The following SMYD3 variants were observed in gnomAD, a reference collection of about 807,000 sequenced individuals.
The protein encoded by SMYD3 is SET and MYND domain containing 3, also known as histone-lysine N-methyltransferase SMYD3.
In SMYD3, 36 loss-of-function variants were observed where a neutral mutation model predicts 57.7. That is an observed-to-expected ratio of 0.62 (90% CI 0.48 to 0.82). SMYD3 has a LOEUF of 0.82. Ranked by LOEUF, SMYD3 falls within the 40% of genes least tolerant of loss-of-function variation. The probability of loss-of-function intolerance (pLI) is 0.00; values close to 1 mark genes in which losing one functional copy is unlikely to be tolerated. For missense variants in SMYD3, 515 were observed against 538.8 expected (o/e 0.96, Z 0.44); for synonymous variants, 211 against 195.0 (o/e 1.08, Z -0.68).
intron 5 of SMYD3, chr1:246,326,236 A>C (rs964608182): frequency 1.1e-5 from 5 of 442,152 alleles, no homozygotes; most frequent in Non-Finnish European, 2.0e-5. Context: ...AATTGTCAAA[A>C]GTAAAGTTTT....
chr1:245,846,442 T>C lies in SMYD3; in HGVS notation c.1076+12054A>G, dbSNP rs149411984. Among the ~76,000 whole-genome samples the C allele has an allele frequency of 4.1e-3, 626 of 152,326 alleles. 3 individuals are homozygous for C. The highest frequency in any genetic ancestry group is 0.015 in the African/African-American group (609 of 41,562). On this transcript the variant is annotated intron_variant, in intron 10 of 11. Transcript: ENST00000490107. Reference sequence around the variant, plus strand: ...AAGACCACTAGAGCCCTCTGTAGTGTAGTAATAGTTTATACTTTTCTAACA... The same window carrying C: ...AAGACCACTAGAGCCCTCTGTAGTGCAGTAATAGTTTATACTTTTCTAACA...
At chr1:245,965,681 C>T (rs1014755770) in intron 5 of SMYD3, among the ~76,000 whole-genome samples, 5 of 151,718 alleles carry the variant, frequency 3.3e-5, no homozygotes, top group Admixed American at 6.6e-5. Context: ...ATGGAAAAGG[C>T]GAAAGTATGA....
intron 8 of SMYD3, among the ~76,000 whole-genome samples, chr1:245,902,879 A>C (rs2054284232): frequency 6.6e-6 from 1 of 152,236 alleles, no homozygotes; most frequent in South Asian, 2.1e-4. Flanking sequence ...CCAATCCAAA[A>C]ACTTAGAAGA....
chr1:245,771,878 A>G (rs2046353527), intron 10 of SMYD3, among the ~76,000 whole-genome samples: 1 of 152,190 alleles, frequency 6.6e-6, no homozygotes, highest in Non-Finnish European at 1.5e-5. Context: ...CAAAGGGGAA[A>G]AAAAAAGATG....
At chr1:246,446,662 C>G (rs2067554556) in intron 1 of SMYD3, among the ~76,000 whole-genome samples, 1 of 152,082 alleles carries the variant, frequency 6.6e-6, no homozygotes, top group Admixed American at 6.6e-5. Context: ...ATTTTAGGAA[C>G]CTATGTAACT....
At chr1:245,895,581 T>C (rs1454273669) in intron 8 of SMYD3, among the ~76,000 whole-genome samples, 1 of 152,230 alleles carries the variant, frequency 6.6e-6, no homozygotes, top group Non-Finnish European at 1.5e-5. Flanking sequence ...ATAAAAACTT[T>C]CTTGGGCTGA....
chr1:245,799,398 C>T (rs2047744494), intron 10 of SMYD3, among the ~76,000 whole-genome samples: 2 of 107,988 alleles, frequency 1.9e-5, no homozygotes, highest in Admixed American at 9.3e-5. Context: ...ACTGGGTTCT[C>T]TAAAGGGTCT....
chr1:245,947,765 T>C (rs2057473425), intron 5 of SMYD3, among the ~76,000 whole-genome samples: 1 of 151,490 alleles, frequency 6.6e-6, no homozygotes, highest in South Asian at 2.1e-4. Context: ...GTCCACACCA[T>C]TATGTTACGT....
At chr1:246,406,873 T>C (rs1164303913) in intron 1 of SMYD3, among the ~76,000 whole-genome samples, 1 of 152,172 alleles carries the variant, frequency 6.6e-6, no homozygotes, top group Non-Finnish European at 1.5e-5. Flanking sequence ...ACAACACCTT[T>C]CCCAAGCTAT....
chr1:245,894,497 G>A (rs896579442), intron 8 of SMYD3, among the ~76,000 whole-genome samples: 19 of 152,104 alleles, frequency 1.2e-4, no homozygotes, highest in Admixed American at 5.9e-4. Context: ...CTTTGGGTCC[G>A]TGCCATCTTT....
intron 10 of SMYD3, among the ~76,000 whole-genome samples, chr1:245,853,701 T>G (rs953131823): frequency 2.1e-5 from 3 of 144,534 alleles, no homozygotes; most frequent in Non-Finnish European, 4.6e-5. Flanking sequence ...CAACCTATCT[T>G]CCAAACCTTC....
chr1:245,943,873 C>T (rs1035458406), intron 5 of SMYD3, among the ~76,000 whole-genome samples: 1 of 152,120 alleles, frequency 6.6e-6, no homozygotes, highest in African/African-American at 2.4e-5. Context: ...TAAATAGAAC[C>T]AGTGACAAAA....
At chr1:246,128,485 G>T (rs1033343070) in intron 5 of SMYD3, among the ~76,000 whole-genome samples, 22 of 152,182 alleles carry the variant, frequency 1.4e-4, no homozygotes, top group African/African-American at 5.3e-4. Context: ...TATGGGCCAG[G>T]CACATTGATA....
intron 1 of SMYD3, among the ~76,000 whole-genome samples, chr1:246,460,517 T>G (rs1333240981): frequency 6.6e-6 from 1 of 152,216 alleles, no homozygotes; most frequent in African/African-American, 2.4e-5. Context: ...CAGTTACATG[T>G]GTGTTTTTAC....
At chr1:245,974,138 T>C (rs2058368193) in intron 5 of SMYD3, among the ~76,000 whole-genome samples, 1 of 152,046 alleles carries the variant, frequency 6.6e-6, no homozygotes, top group Non-Finnish European at 1.5e-5. Context: ...TCAAAGCCAC[T>C]CCCACTGTGA....
intron 1 of SMYD3, among the ~76,000 whole-genome samples, chr1:246,480,265 G>A (rs568717399): frequency 7.2e-5 from 11 of 152,262 alleles, no homozygotes; most frequent in South Asian, 4.1e-4. Flanking sequence ...CTCCCAAAGC[G>A]TTGGGATTAC....
intron 5 of SMYD3, among the ~76,000 whole-genome samples, chr1:245,963,277 G>C (rs553119585): frequency 3.3e-5 from 5 of 152,126 alleles, no homozygotes; most frequent in Admixed American, 1.3e-4. Context: ...TCAATATACA[G>C]TGTTAAAAAA....
intron 5 of SMYD3, among the ~76,000 whole-genome samples, chr1:246,116,396 A>T (rs1190703983): frequency 6.6e-6 from 1 of 152,212 alleles, no homozygotes; most frequent in East Asian, 1.9e-4. Flanking sequence ...GATTAAATTT[A>T]TCAAAATATA....
intron 5 of SMYD3, among the ~76,000 whole-genome samples, chr1:246,207,952 C>T (rs2063026446): frequency 6.6e-6 from 1 of 152,020 alleles, no homozygotes; most frequent in Non-Finnish European, 1.5e-5. Flanking sequence ...TCTAGTTAAC[C>T]AAGATGTGCA....
Sources: allele counts gnomAD v4.1 joint callset (sites outside exome capture counted in the v4.1 genomes callset), GRCh38; gene constraint gnomAD v4.1.1; transcripts MANE v1.5; gene names NCBI Gene and HGNC (gene_info 2026-07-23, HGNC 2026-07-21).